TCF4: variants seen among roughly 807,000 people sequenced by gnomAD.
TCF4 encodes SL3-3 enhancer factor 2.
A neutral mutation model predicts 82.1 loss-of-function variants in TCF4; 3 were observed. The observed-to-expected ratio is 0.04, with a 90% confidence interval of 0.02 to 0.09. TCF4 has a LOEUF of 0.09. TCF4 is among the 10% of genes least tolerant of loss of function. The pLI is 1.00. For missense variants in TCF4, 518 were observed against 852.7 expected (o/e 0.61, Z 4.89); for synonymous variants, 276 against 309.6 (o/e 0.89, Z 1.14).
intron 3 of TCF4, among the ~76,000 whole-genome samples, chr18:55,476,468 G>GT: frequency 6.6e-6 from 1 of 151,664 alleles, no homozygotes; most frequent in South Asian, 2.1e-4. Flanking sequence ...TTTGTTTTTT[G>GT]TTTTTTGTTT....
intron 3 of TCF4, among the ~76,000 whole-genome samples, chr18:55,525,862 GGAA>G (rs781149116): frequency 3.9e-5 from 6 of 152,106 alleles, no homozygotes; most frequent in African/African-American, 7.2e-5. Flanking sequence ...CCAGTTTCAT[GGAA>G]GAAGAAAGAG....
rs546006196 is a variant in TCF4, at chr18:55,569,595, T to G, written c.145+15685A>C. The stretch of plus-strand genomic sequence containing the variant: ...TTAAAAAAGACTTTCTATATACAAG[T>G]AACAAATAATTTGAATAATTAAAAA... On this transcript the variant is annotated intron_variant, in intron 3 of 19. Coordinates refer to ENST00000354452, the MANE Select transcript of TCF4 (RefSeq NM_001083962.2). 3.9e-4 allele frequency among the ~76,000 whole-genome samples: 59 copies of G among 151,540 alleles called. No homozygotes were observed. In the South Asian group the frequency reaches 5.6e-3, roughly 14 times the overall value.
At chr18:55,549,173 C>A (rs1473809605) in intron 3 of TCF4, among the ~76,000 whole-genome samples, 1 of 152,050 alleles carries the variant, frequency 6.6e-6, no homozygotes, top group South Asian at 2.1e-4. Flanking sequence ...TGATGGCACG[C>A]ACCTGTGGTT....
Position 55,531,038 on chromosome 18 carries a change from G to A in TCF4, c.145+54242C>T, listed in dbSNP as rs1044510367. Among the ~76,000 whole-genome samples the A allele has an allele frequency of 1.9e-4, 29 of 151,662 alleles. No homozygotes were observed. The South Asian group carries it at 5.6e-3, about 29-fold the overall frequency. On this transcript the variant is annotated intron_variant, in intron 3 of 19. Transcript: ENST00000354452. ...GTAATCTCGGCTCAGTGCAACTTCC[G>A]CCTCCCGGGTTCAAGCGATTCTCCT...
At chr18:55,353,574 C>T (rs1339830533) in intron 6 of TCF4, among the ~76,000 whole-genome samples, 1 of 152,090 alleles carries the variant, frequency 6.6e-6, no homozygotes, top group Non-Finnish European at 1.5e-5. Context: ...CTAAACACCT[C>T]CTTAGGGAAA....
chr18:55,558,952 T>C (rs527308108), intron 3 of TCF4, among the ~76,000 whole-genome samples: 1 of 151,176 alleles, frequency 6.6e-6, no homozygotes, highest in South Asian at 2.1e-4. Context: ...TTTTGAGAAA[T>C]ATGGCAGTAA....
At chr18:55,608,484 C>T (rs184457639) in intron 2 of TCF4, among the ~76,000 whole-genome samples, 15 of 148,522 alleles carry the variant, frequency 1.0e-4, no homozygotes, top group Admixed American at 5.5e-4. Context: ...GAGTTAAATA[C>T]GCATCTCCAT....
At chr18:55,455,633 A>C (rs1328790813) in intron 5 of TCF4, among the ~76,000 whole-genome samples, 1 of 152,130 alleles carries the variant, frequency 6.6e-6, no homozygotes, top group African/African-American at 2.4e-5. Flanking sequence ...TTAAAAAGTG[A>C]ACTAAAATTT....
upstream of TCF4, among the ~76,000 whole-genome samples, chr18:55,588,808 T>C (rs576450749): frequency 5.3e-5 from 8 of 152,212 alleles, no homozygotes; most frequent in African/African-American, 1.9e-4. Flanking sequence ...CCCCTCCCTT[T>C]TAAGTCACAG....
chr18:55,279,760 T>A (rs1430234773), intron 8 of TCF4, 104 bp from the exon 9 acceptor site: 2 of 1,540,714 alleles, frequency 1.3e-6, no homozygotes, highest in Non-Finnish European at 1.8e-6. Context: ...ATTTCTACCC[T>A]TTCCAGTTTA....
At chr18:55,619,321 G>A (rs1431946749) in intron 2 of TCF4, among the ~76,000 whole-genome samples, 1 of 152,022 alleles carries the variant, frequency 6.6e-6, no homozygotes. Flanking sequence ...AAAATTATTG[G>A]CACAAAATTG....
At chr18:55,351,870 A>G in intron 6 of TCF4, 1 of 906,472 alleles carries the variant, frequency 1.1e-6, no homozygotes, top group East Asian at 1.2e-4. Flanking sequence ...ATGCAATAAA[A>G]CAAGAGTAGA....
At chr18:55,338,533 A>G (rs2079134496) in intron 8 of TCF4, among the ~76,000 whole-genome samples, 1 of 152,242 alleles carries the variant, frequency 6.6e-6, no homozygotes, top group African/African-American at 2.4e-5. Context: ...ACTGAATTAC[A>G]TAAGAAAAAG....
chr18:55,433,281 A>G (rs1166142779), intron 5 of TCF4, among the ~76,000 whole-genome samples: 1 of 152,224 alleles, frequency 6.6e-6, no homozygotes. Flanking sequence ...CCTTATGGGT[A>G]AAATGCAGAT....
chr18:55,407,840 G>A (rs1319460776), intron 5 of TCF4, among the ~76,000 whole-genome samples: 1 of 151,628 alleles, frequency 6.6e-6, no homozygotes, highest in Non-Finnish European at 1.5e-5. Flanking sequence ...TTTTTCTTCC[G>A]ATACATCCAT....
intron 3 of TCF4, among the ~76,000 whole-genome samples, chr18:55,505,192 C>T (rs1401494700): frequency 1.3e-5 from 2 of 152,152 alleles, no homozygotes; most frequent in Non-Finnish European, 2.9e-5. Flanking sequence ...CCAAATAATT[C>T]ACACAAAACT....
intron 6 of TCF4, among the ~76,000 whole-genome samples, chr18:55,399,880 TCACACACACACACACACACA>T (rs398041380): frequency 1.6e-5 from 1 of 63,436 alleles, no homozygotes; most frequent in African/African-American, 6.8e-5. Context: ...TCTCTCTCTC[TCACACACACACACACACACA>T]CACACACACA....
chr18:55,427,815 C>T (rs76731597), intron 5 of TCF4, among the ~76,000 whole-genome samples: 6,522 of 152,128 alleles, frequency 0.043, 217 homozygotes, highest in South Asian at 0.17. Context: ...AACTGTTCAG[C>T]GAATGAATGA....
At chr18:55,365,280 C>CAT (rs1378243437) in intron 6 of TCF4, among the ~76,000 whole-genome samples, 36 of 142,832 alleles carry the variant, frequency 2.5e-4, no homozygotes, top group African/African-American at 8.9e-4. Context: ...CACACACACA[C>CAT]ATATATATAT....
Sources: allele counts gnomAD v4.1 joint callset (sites outside exome capture counted in the v4.1 genomes callset), GRCh38; gene constraint gnomAD v4.1.1; transcripts MANE v1.5; gene names NCBI Gene and HGNC (gene_info 2026-07-23, HGNC 2026-07-21).